The following RAB11FIP3 variants were observed in gnomAD, a reference collection of about 807,000 sequenced individuals.
The protein encoded by RAB11FIP3 is RAB11 family interacting protein 3, also known as rab11 family-interacting protein 3.
RAB11FIP3 carries 17 observed loss-of-function variants against 77.8 expected under a neutral mutation model. The observed-to-expected ratio is 0.22, with a 90% CI of 0.15 to 0.33. The LOEUF is 0.33. Ranked by LOEUF, RAB11FIP3 falls within the 10% of genes least tolerant of loss-of-function variation. The pLI is 1.00. For missense variants in RAB11FIP3, 1,005 were observed against 1,011.2 expected (o/e 0.99, Z 0.08); for synonymous variants, 437 against 448.2 (o/e 0.98, Z 0.31).
At chr16:460,124 A>C (rs929828476) in intron 1 of RAB11FIP3, among the ~76,000 whole-genome samples, 1 of 151,406 alleles carries the variant, frequency 6.6e-6, no homozygotes, top group African/African-American at 2.4e-5. Context: ...TGATCCACTC[A>C]CCTCGGTTTC....
intron 6 of RAB11FIP3, among the ~76,000 whole-genome samples, chr16:501,799 T>TC (rs2031544103): frequency 1.0e-5 from 1 of 96,134 alleles, no homozygotes; most frequent in African/African-American, 4.1e-5. Context: ...GGCAAGGAAG[T>TC]TCAGAGAGGG....
At chr16:463,430 G>GTT (rs142875972) in intron 2 of RAB11FIP3, among the ~76,000 whole-genome samples, 314 of 82,182 alleles carry the variant, frequency 3.8e-3, no homozygotes, top group East Asian at 4.9e-3. Flanking sequence ...TTGTTCCCCG[G>GTT]TTTTTTTTTT....
chr16:447,096 G>A (rs2055329740), intron 1 of RAB11FIP3, among the ~76,000 whole-genome samples: 1 of 152,048 alleles, frequency 6.6e-6, no homozygotes, highest in Admixed American at 6.5e-5. Flanking sequence ...CTTGAGGCCA[G>A]GAGTTCAAGA....
chr16:452,477 C>G (rs2055424477), intron 1 of RAB11FIP3: 1 of 151,854 alleles, frequency 6.6e-6, no homozygotes, highest in South Asian at 2.1e-4. Context: ...CTCTGTTGCC[C>G]AGGCTGGAGT....
chr16:458,700 G>C (rs2055552044), intron 1 of RAB11FIP3, among the ~76,000 whole-genome samples: 1 of 149,138 alleles, frequency 6.7e-6, no homozygotes, highest in Non-Finnish European at 1.5e-5. Context: ...CCAGCCTGTT[G>C]CCTCTCCCTG....
At position 482,497 on chromosome 16, in the gene RAB11FIP3, C is replaced by T. The variant is rs371828512; in HGVS notation, c.904-28C>T. 7.6e-5 allele frequency: 122 copies of T among 1,607,696 alleles called. 1 individual carries two copies. The African/African-American group carries it at 1.0e-3, about 14-fold the overall frequency. On this transcript the variant is annotated intron_variant, in intron 3 of 13. Coordinates refer to ENST00000262305, the MANE Select transcript of RAB11FIP3 (RefSeq NM_014700.4). ...CGCAGTTCCCCTCCCAGCTTGTGCC[C>T]GCTGACTGCTGGCGCACTCTCTCCT... is the stretch of plus-strand genomic sequence containing the variant.
chr16:437,550 A>G (rs1289871871), intron 1 of RAB11FIP3, among the ~76,000 whole-genome samples: 1 of 148,208 alleles, frequency 6.7e-6, no homozygotes, highest in Admixed American at 6.9e-5. Flanking sequence ...AGCCTGGACA[A>G]CAAGGGTGAA....
At chr16:492,863 G>A (rs565163794) in intron 5 of RAB11FIP3, among the ~76,000 whole-genome samples, 7 of 152,274 alleles carry the variant, frequency 4.6e-5, no homozygotes, top group Admixed American at 2.0e-4. Flanking sequence ...TGGGCTTTGT[G>A]GGGGCAGAGA....
At chr16:490,715 T>C (rs1273357417) in intron 5 of RAB11FIP3, among the ~76,000 whole-genome samples, 2 of 152,228 alleles carry the variant, frequency 1.3e-5, no homozygotes, top group East Asian at 3.8e-4. Flanking sequence ...TAATCATAAA[T>C]ATAGTACAGT....
chr16:425,650 G>C lies in RAB11FIP3; in HGVS notation c.-357G>C, dbSNP rs2054923838. 1.4e-5 allele frequency: 3 copies of C among 218,486 alleles called. No individual in the cohort carries two copies. Among genetic ancestry groups the C allele is most frequent in the African/African-American group, 2.3e-5 (1 of 42,652 alleles). The allele number at this position is 218,486 out of a possible 1,614,324, so 13.5% of individuals were successfully genotyped here. A position where few individuals can be genotyped will look rare whatever the true frequency, so the allele number is the denominator to read the frequency against. ...TTCTCCGGGTACCTCAGGCGCCTCA[G>C]CCTCCTTAGTCTCCTCATCCTGCTT... On this transcript the variant is annotated 5_prime_UTR_variant, in exon 1 of 14. Transcript: ENST00000262305.
rs1164286469 is a variant in RAB11FIP3 at position 507,087 on chromosome 16, T to C, written c.1499+1460T>C. ...CCTCAGCCTTCGATGTAGCTGGGAC[T>C]ACAGGTGTGCACCACCACACCCAGC... On this transcript the variant is annotated intron_variant, in intron 8 of 13. Coordinates refer to ENST00000262305, the MANE Select transcript of RAB11FIP3 (RefSeq NM_014700.4). The surrounding 1 kb of genome is among the most constrained non-coding windows in gnomAD (Gnocchi z 4.6). Among the ~76,000 whole-genome samples, 1 of 150,572 alleles carries C rather than the reference T, an allele frequency of 6.6e-6. No homozygotes were observed. The highest frequency in any genetic ancestry group is 2.4e-5 in the African/African-American group (1 of 41,028).
In RAB11FIP3 at chr16:425,859, A is replaced by G. The variant is rs997888698; in HGVS notation, c.-148A>G. On this transcript the variant is annotated 5_prime_UTR_variant, in exon 1 of 14. Transcript: ENST00000262305. Reference sequence around the variant, plus strand: ...GCGCGGTGCGAAGATGGGCGAGGACAGAGCAGGGCCCGAGCGCCAGCCCCA... The same window carrying G: ...GCGCGGTGCGAAGATGGGCGAGGACGGAGCAGGGCCCGAGCGCCAGCCCCA... 2.6e-5 allele frequency: 7 copies of G among 266,168 alleles called. No homozygotes were observed. The highest frequency in any genetic ancestry group is 1.5e-4 in the South Asian group (1 of 6,752). 16.5% of individuals were successfully genotyped at this position (266,168 alleles called of 1,614,324 possible).
intron 2 of RAB11FIP3, among the ~76,000 whole-genome samples, chr16:467,179 C>T (rs1042386560): frequency 5.3e-5 from 8 of 152,154 alleles, no homozygotes; most frequent in Non-Finnish European, 8.8e-5. Flanking sequence ...TCCCTGAGAA[C>T]GTCTGGGATG....
intron 4 of RAB11FIP3, among the ~76,000 whole-genome samples, chr16:483,949 G>A (rs1363269858): frequency 6.6e-6 from 1 of 152,064 alleles, no homozygotes; most frequent in Admixed American, 6.6e-5. Context: ...GCAGCATCTT[G>A]CATGTAGGGT....
chr16:470,903 T>G (rs1475330489), intron 2 of RAB11FIP3, among the ~76,000 whole-genome samples: 1 of 152,162 alleles, frequency 6.6e-6, no homozygotes, highest in Non-Finnish European at 1.5e-5. Flanking sequence ...GTAAATGTTT[T>G]TAAAGGTTTA....
chr16:500,104 A>T (rs898369559), intron 6 of RAB11FIP3, among the ~76,000 whole-genome samples: 2 of 152,144 alleles, frequency 1.3e-5, no homozygotes, highest in Non-Finnish European at 2.9e-5. Flanking sequence ...GTCCCTGTCC[A>T]TGAGATGGAA....
At chr16:448,713 G>A (rs1190615441) in intron 1 of RAB11FIP3, among the ~76,000 whole-genome samples, 2 of 145,856 alleles carry the variant, frequency 1.4e-5, no homozygotes, top group Non-Finnish European at 3.0e-5. Context: ...TCCAGCCTGG[G>A]CAGCAGAACG....
At chr16:450,914 C>A (rs1332918579) in intron 1 of RAB11FIP3, among the ~76,000 whole-genome samples, 2 of 143,424 alleles carry the variant, frequency 1.4e-5, no homozygotes, top group South Asian at 4.5e-4. Context: ...TCTCCAGGGA[C>A]CAGACCTGAA....
At chr16:441,530 T>C (rs2055226502) in intron 1 of RAB11FIP3, among the ~76,000 whole-genome samples, 2 of 152,360 alleles carry the variant, frequency 1.3e-5, no homozygotes, top group Admixed American at 6.5e-5. Flanking sequence ...TGAAGTATCC[T>C]GTAACAGTCA....
Sources: allele counts gnomAD v4.1 joint callset (sites outside exome capture counted in the v4.1 genomes callset), GRCh38; gene constraint gnomAD v4.1.1; non-coding constraint Gnocchi (gnomAD v3.1); transcripts MANE v1.5; gene names NCBI Gene and HGNC (gene_info 2026-07-23, HGNC 2026-07-21).